The following IGFBP2 variants were observed in gnomAD, a reference collection of about 807,000 sequenced individuals.
The protein encoded by IGFBP2 is insulin-like growth factor-binding protein 2.
Under a neutral mutation model 26.2 loss-of-function variants are expected in IGFBP2, and 12 were observed. That is an observed-to-expected ratio of 0.46 (90% CI 0.29 to 0.74). The LOEUF (loss-of-function observed/expected upper bound fraction) is 0.74, where lower values mean the gene tolerates loss of function less well. Among genes scored for constraint, IGFBP2 ranks in the 30% least tolerant of loss-of-function variants. IGFBP2 has a pLI of 0.09. For synonymous variants in IGFBP2, 189 were observed against 200.6 expected, an observed-to-expected ratio of 0.94 and a Z score of 0.49; for missense variants, 328 against 441.2, an observed-to-expected ratio of 0.74 and a Z score of 2.30.
intron 1 of IGFBP2, among the ~76,000 whole-genome samples, chr2:216,643,096 A>T (rs906619516): frequency 2.6e-5 from 4 of 152,156 alleles, no homozygotes; most frequent in Admixed American, 6.5e-5. Context: ...GATGCCACCC[A>T]TTTCCTGCAC....
intron 1 of IGFBP2, chr2:216,659,855 C>A: frequency 2.3e-6 from 2 of 887,604 alleles, no homozygotes; most frequent in Non-Finnish European, 3.6e-6. Context: ...GAGGGAATGT[C>A]AGTGTGGCAG....
chr2:216,639,235 A>G (rs751627529), intron 1 of IGFBP2, among the ~76,000 whole-genome samples: 2 of 151,838 alleles, frequency 1.3e-5, no homozygotes, highest in African/African-American at 2.4e-5. Context: ...GGGTTTTACC[A>G]TGTTGGCCAG....
At chr2:216,643,334 C>T (rs1697651844) in intron 1 of IGFBP2, among the ~76,000 whole-genome samples, 1 of 152,136 alleles carries the variant, frequency 6.6e-6, no homozygotes, top group South Asian at 2.1e-4. Context: ...TGGGGCTCTA[C>T]CTAATGTCTG....
In IGFBP2 at chr2:216,660,651, G is replaced by A; in HGVS notation, c.537G>A (p.Lys179=). The A allele has an allele frequency of 6.2e-7, 1 of 1,614,184 alleles. No individual in the cohort carries two copies. Among genetic ancestry groups the A allele is most frequent in the Non-Finnish European group, 8.5e-7 (1 of 1,180,034 alleles). Residue 179 remains lysine, a synonymous_variant, in exon 2 of 4, where the codon AAG becomes AAA. Coordinates refer to ENST00000233809, the MANE Select transcript of IGFBP2 (RefSeq NM_000597.3). ...MLGGGGSAGR[K]PLKSGMKELA... ...GCGGGGGAGGCAGTGCTGGCCGGAA[G>A]CCCCTCAAGTCGGGTATGAAGGAGC...
At chr2:216,640,922 G>T (rs1443130737) in intron 1 of IGFBP2, among the ~76,000 whole-genome samples, 1 of 152,206 alleles carries the variant, frequency 6.6e-6, no homozygotes, top group East Asian at 1.9e-4. Context: ...GGTCAGTCAA[G>T]AGGGACAAGA....
intron 1 of IGFBP2, among the ~76,000 whole-genome samples, chr2:216,647,590 G>T (rs1697734901): frequency 6.6e-6 from 1 of 152,154 alleles, no homozygotes; most frequent in South Asian, 2.1e-4. Flanking sequence ...CGTGATCTCG[G>T]CTTACCGCAA....
chr2:216,633,611 G>C lies in IGFBP2; in HGVS notation c.88G>C (p.Gly30Arg), dbSNP rs1697432092. The part of the protein sequence containing the change: ...LLLLLLGASG[G>R]GGGARAEVLF... ...GCTGCTGCTACTGGGCGCGAGTGGC[G>C]GCGGCGGCGGGGCGCGCGCGGAGGT... Residue 30 changes from glycine (G) to arginine (R), a missense_variant, in exon 1 of 4, where the codon GGC (glycine) becomes CGC (arginine). Transcript: ENST00000233809. 1 of 1,010,606 alleles carries C rather than the reference G, an allele frequency of 9.9e-7. No homozygotes were observed. Among genetic ancestry groups the C allele is most frequent in the African/African-American group, 1.7e-5 (1 of 57,296 alleles). 62.6% of individuals were successfully genotyped at this position (1,010,606 alleles called of 1,614,324 possible).
intron 1 of IGFBP2, among the ~76,000 whole-genome samples, chr2:216,657,853 C>A (rs556524113): frequency 6.6e-6 from 1 of 152,318 alleles, no homozygotes; most frequent in African/African-American, 2.4e-5. Flanking sequence ...TGGGAATAAC[C>A]ATTCTAAATA....
At chr2:216,634,557 A>G (rs543950048) in intron 1 of IGFBP2, among the ~76,000 whole-genome samples, 19 of 152,350 alleles carry the variant, frequency 1.2e-4, no homozygotes, top group Admixed American at 1.1e-3. Context: ...ATTTCTCCAT[A>G]GGGAACGAGC....
Position 216,660,726 on chromosome 2 carries a change from G to T in IGFBP2, c.612G>T (p.Lys204Asn). Residue 204 changes from lysine to asparagine, a missense_variant, in exon 2 of 4, where the codon AAG (lysine) becomes AAT (asparagine). By Grantham distance (94) the Lys-to-Asn change is moderately conservative. Coordinates refer to ENST00000233809, the MANE Select transcript of IGFBP2 (RefSeq NM_000597.3). The part of the protein sequence containing the change: ...KVTEQHRQMG[K>N]GGKHHLGLEE... ...CTGAGCAGCACCGGCAGATGGGCAA[G>T]GGTGGCAAGCATCACCTTGGCCTGG... The T allele has an allele frequency of 6.2e-7, 1 of 1,613,398 alleles. No homozygotes were observed. Among genetic ancestry groups the T allele is most frequent in the Non-Finnish European group, 8.5e-7 (1 of 1,179,778 alleles).
intron 1 of IGFBP2, among the ~76,000 whole-genome samples, chr2:216,650,720 A>G (rs1697802826): frequency 6.6e-6 from 1 of 152,150 alleles, no homozygotes; most frequent in Non-Finnish European, 1.5e-5. Flanking sequence ...CTTATAACCT[A>G]GGGGACTTGT....
chr2:216,641,010 A>G (rs958150717), intron 1 of IGFBP2, among the ~76,000 whole-genome samples: 3 of 152,194 alleles, frequency 2.0e-5, no homozygotes, highest in Non-Finnish European at 2.9e-5. Flanking sequence ...CTTTGCTGTC[A>G]TATTGACCGG....
At chr2:216,637,488 G>C (rs1221965730) in intron 1 of IGFBP2, among the ~76,000 whole-genome samples, 1 of 152,216 alleles carries the variant, frequency 6.6e-6, no homozygotes, top group African/African-American at 2.4e-5. Context: ...GGTCTTCTTT[G>C]TTTGAAATTT....
chr2:216,660,916 CAT>C (rs1688627392), intron 2 of IGFBP2, 130 bp downstream of exon 2: 1 of 697,178 alleles, frequency 1.4e-6, no homozygotes, highest in Non-Finnish European at 2.4e-6. Flanking sequence ...TTTCCACAAA[CAT>C]AGTTGTGGAA....
chr2:216,636,655 G>T (rs1439806673), intron 1 of IGFBP2, among the ~76,000 whole-genome samples: 1 of 152,218 alleles, frequency 6.6e-6, no homozygotes. Context: ...GTGTGTATGT[G>T]TTTGGTGGTG....
chr2:216,640,711 A>G (rs1697595352), intron 1 of IGFBP2, among the ~76,000 whole-genome samples: 1 of 152,316 alleles, frequency 6.6e-6, no homozygotes. Flanking sequence ...TGGCCGGGTA[A>G]GGAGTTGGGC....
At chr2:216,653,989 T>C (rs544548571) in intron 1 of IGFBP2, among the ~76,000 whole-genome samples, 10 of 152,240 alleles carry the variant, frequency 6.6e-5, no homozygotes, top group Non-Finnish European at 1.5e-4. Flanking sequence ...GAACCATTTC[T>C]TATAGTGACC....
At position 216,661,315 on chromosome 2, in the gene IGFBP2, G is replaced by C. The variant is rs1688639941; in HGVS notation, c.672+529G>C. Reference sequence around the variant, plus strand: ...ATGTGGGTCTCACTATGTTGTCCAGGCTGGTCTCAAACTCCTGGACTCAAG... The same window carrying C: ...ATGTGGGTCTCACTATGTTGTCCAGCCTGGTCTCAAACTCCTGGACTCAAG... On this transcript the variant is annotated intron_variant, in intron 2 of 3. Coordinates refer to ENST00000233809, the MANE Select transcript of IGFBP2 (RefSeq NM_000597.3). 1.5e-5 allele frequency: 4 copies of C among 270,678 alleles called. 1 individual carries two copies. In the South Asian group the frequency reaches 1.7e-4, roughly 11 times the overall value. The allele number at this position is 270,678 out of a possible 1,614,324, so 16.8% of individuals were successfully genotyped here.
intron 1 of IGFBP2, among the ~76,000 whole-genome samples, chr2:216,649,123 G>A (rs1351918046): frequency 1.3e-5 from 2 of 152,162 alleles, no homozygotes; most frequent in East Asian, 3.9e-4. Flanking sequence ...GCATCTATAT[G>A]CATATATATG....
Sources: allele counts gnomAD v4.1 joint callset (sites outside exome capture counted in the v4.1 genomes callset), GRCh38; gene constraint gnomAD v4.1.1; transcripts MANE v1.5; gene names NCBI Gene and HGNC (gene_info 2026-07-23, HGNC 2026-07-21).